Variants in KDM1B observed in about 807,000 individuals in gnomAD.
The protein encoded by KDM1B is lysine demethylase 1B.
KDM1B carries 63 observed loss-of-function variants against 107.4 expected under a neutral mutation model. That is an observed-to-expected ratio of 0.59 (90% CI 0.48 to 0.72). The LOEUF is 0.72. KDM1B is among the 30% of genes least tolerant of loss of function. The probability of loss-of-function intolerance (pLI) is 0.00; values close to 1 mark genes in which losing one functional copy is unlikely to be tolerated. For synonymous variants in KDM1B, 363 were observed against 363.9 expected (o/e 1.00, Z 0.03); for missense variants, 749 against 1,020.8 (o/e 0.73, Z 3.63).
At chr6:18,195,240 G>A (rs1476078115) in intron 10 of KDM1B, among the ~76,000 whole-genome samples, 2 of 152,098 alleles carry the variant, frequency 1.3e-5, no homozygotes, top group Non-Finnish European at 2.9e-5. Flanking sequence ...CTGCTGCTGT[G>A]AACATTTTGT....
intron 10 of KDM1B, among the ~76,000 whole-genome samples, chr6:18,192,375 C>A (rs924025928): frequency 6.6e-6 from 1 of 152,144 alleles, no homozygotes; most frequent in African/African-American, 2.4e-5. Context: ...CCAAAGTGAT[C>A]TTGACTAAAG....
chr6:18,169,924 T>A (rs147124865), intron 6 of KDM1B, among the ~76,000 whole-genome samples: 226 of 152,240 alleles, frequency 1.5e-3, no homozygotes, highest in Admixed American at 2.7e-3. Flanking sequence ...TTATTTATTT[T>A]TTTGAGACAG....
Position 18,197,172 on chromosome 6 carries a change from T to G in KDM1B, c.1085T>G (p.Ile362Ser). The change falls in exon 11 of 22, where the codon ATC (isoleucine) becomes AGC (serine). Residue 362 changes from isoleucine to serine, a missense_variant. Transcript: ENST00000650836. The surrounding 1 kb of genome is among the most constrained non-coding windows in gnomAD (Gnocchi z 4.5). The part of the protein sequence containing the change: ...ILYFMTRKGL[I>S]NTGVLSVGAD... ...TATTTTATGACCAGAAAAGGTCTCA[T>G]CAACACTGGAGTTCTCAGCGTGGGA... is the stretch of plus-strand genomic sequence containing the variant. 2 of 1,614,142 alleles carry G rather than the reference T, an allele frequency of 1.2e-6. No individual in the cohort carries two copies. Among genetic ancestry groups the G allele is most frequent in the Non-Finnish European group, 1.7e-6 (2 of 1,180,012 alleles).
At chr6:18,215,866 T>A (rs1789186626) in intron 20 of KDM1B, among the ~76,000 whole-genome samples, 1 of 152,172 alleles carries the variant, frequency 6.6e-6, no homozygotes. Context: ...CAGCTTTTTT[T>A]AATATCGCAC....
chr6:18,184,466 G>T (rs1199997167), intron 7 of KDM1B, among the ~76,000 whole-genome samples: 1 of 151,436 alleles, frequency 6.6e-6, no homozygotes, highest in African/African-American at 2.4e-5. Flanking sequence ...GTAGAGACGA[G>T]GTTTCACCAT....
rs1480482525 is a variant in KDM1B at position 18,191,348 on chromosome 6, C to T, written c.936C>T (p.Asn312=). Residue 312 remains asparagine (N), a synonymous_variant, in exon 10 of 22, where the codon AAC becomes AAT. Coordinates refer to ENST00000650836, the MANE Select transcript of KDM1B (RefSeq NM_001364614.2). The surrounding 1 kb of genome is among the most constrained non-coding windows in gnomAD (Gnocchi z 5.1). The part of the protein sequence containing the change: ...RDPTMYLALR[N]LILALWYTNC... ...CCACCATGTACCTGGCTTTGAGAAA[C>T]CTCATCCTCGCACTGTGGTATACTA... 21 of 1,550,938 alleles carry T rather than the reference C, an allele frequency of 1.4e-5. No individual in the cohort carries two copies. Among genetic ancestry groups the T allele is most frequent in the Non-Finnish European group, 1.8e-5 (21 of 1,147,100 alleles).
At chr6:18,163,763 T>G (rs183864535) in intron 5 of KDM1B, among the ~76,000 whole-genome samples, 1 of 152,242 alleles carries the variant, frequency 6.6e-6, no homozygotes, top group Admixed American at 6.5e-5. Flanking sequence ...TCTAGTTTAG[T>G]TCAGCAATGG....
rs1291239618 is a variant in KDM1B at position 18,223,349 on chromosome 6, C to G, written c.*1357C>G. 2 of 131,338 alleles carry G rather than the reference C, an allele frequency of 1.5e-5. No individual in the cohort carries two copies. The highest frequency in any genetic ancestry group is 3.2e-5 in the Non-Finnish European group (2 of 62,424). 8.1% of individuals were successfully genotyped at this position (131,338 alleles called of 1,614,324 possible). On this transcript the variant is annotated 3_prime_UTR_variant, in exon 22 of 22. Transcript: ENST00000650836. ...ACCTCCCCCACCGCCCGCCCCCCGCCCCCCCCAATCAAAGTGTGGTCCCAA... is the reference window on the plus strand; with the variant it reads ...ACCTCCCCCACCGCCCGCCCCCCGCGCCCCCCAATCAAAGTGTGGTCCCAA...
chr6:18,162,970 G>A lies in KDM1B; in HGVS notation c.305+46G>A. ...AGGTTTCCCTGGAGAAGGGGACCGT[G>A]GCAGGGGCAGTGCGTGTGGTCAGCT... On this transcript the variant is annotated intron_variant, in intron 5 of 21. Transcript: ENST00000650836. The surrounding 1 kb of genome is among the most constrained non-coding windows in gnomAD (Gnocchi z 4.1). 1 of 1,172,626 alleles carries A rather than the reference G, an allele frequency of 8.5e-7. No individual in the cohort carries two copies. The highest frequency in any genetic ancestry group is 1.3e-6 in the Non-Finnish European group (1 of 776,908). 72.6% of individuals were successfully genotyped at this position (1,172,626 alleles called of 1,614,324 possible). A position where few individuals can be genotyped will look rare whatever the true frequency, so the allele number is the denominator to read the frequency against.
At chr6:18,206,166 T>A (rs1217803022) in intron 15 of KDM1B, among the ~76,000 whole-genome samples, 2 of 145,950 alleles carry the variant, frequency 1.4e-5, no homozygotes, top group African/African-American at 2.5e-5. Flanking sequence ...TTTTTTTTTT[T>A]AAGCAAGAGA....
chr6:18,202,055 G>A (rs1487389250), intron 14 of KDM1B, among the ~76,000 whole-genome samples: 1 of 152,124 alleles, frequency 6.6e-6, no homozygotes, highest in Non-Finnish European at 1.5e-5. Context: ...GTTGAGCAGT[G>A]AGTTAAGGTT....
At chr6:18,195,212 C>A (rs1305827233) in intron 10 of KDM1B, among the ~76,000 whole-genome samples, 2 of 152,184 alleles carry the variant, frequency 1.3e-5, no homozygotes, top group Non-Finnish European at 2.9e-5. Flanking sequence ...TTGTTTCCAC[C>A]TTTTCCCTAT....
Position 18,182,944 on chromosome 6 carries a change from CTG to C in KDM1B, c.535-2825_535-2824del, listed in dbSNP as rs370583035. On this transcript the variant is annotated intron_variant, in intron 7 of 21. Transcript: ENST00000650836. ...ACTTTTAAACATTTACTGTTCCTGA[CTG>C]TGCTTTAGTGAAAAGCTTTCTATCT... Among the ~76,000 whole-genome samples the C allele has an allele frequency of 4.7e-4, 71 of 152,286 alleles. No individual in the cohort carries two copies. In the East Asian group the frequency reaches 0.011, roughly 24 times the overall value.
At chr6:18,198,637 CA>C (rs762849198) in intron 12 of KDM1B, among the ~76,000 whole-genome samples, 13 of 69,212 alleles carry the variant, frequency 1.9e-4, no homozygotes, top group East Asian at 9.6e-4. Flanking sequence ...GACTCCATCT[CA>C]AAAAAAAAAA....
Position 18,204,137 on chromosome 6 carries a change from TA to T in KDM1B, c.1532-1389del, listed in dbSNP as rs35497071. On this transcript the variant is annotated intron_variant, in intron 14 of 21. Transcript: ENST00000650836. The surrounding 1 kb of genome is among the most constrained non-coding windows in gnomAD (Gnocchi z 4.9). ...TTTTGATGAAAGCCTTGAGCTGTTC[TA>T]AAAAAAAAAATATTTGAAGTAACTG... Among the ~76,000 whole-genome samples the T allele has an allele frequency of 4.9e-4, 72 of 147,378 alleles. No homozygotes were observed. Among genetic ancestry groups the T allele is most frequent in the Middle Eastern group, 3.5e-3 (1 of 288 alleles).
In KDM1B at chr6:18,203,321, G is replaced by A. The variant is rs914646748; in HGVS notation, c.1531+1664G>A. 2.0e-5 allele frequency among the ~76,000 whole-genome samples: 3 copies of A among 152,168 alleles called. No individual in the cohort carries two copies. The highest frequency in any genetic ancestry group is 7.2e-5 in the African/African-American group (3 of 41,442). On this transcript the variant is annotated intron_variant, in intron 14 of 21. Transcript: ENST00000650836. The surrounding 1 kb of genome is among the most constrained non-coding windows in gnomAD (Gnocchi z 5.5). ...AACCCAAGTTGTTAAGGTAGGCTCA[G>A]CAATTCTTACTGTGTAAGTGGGTAT...
chr6:18,222,358 GTCAA>G lies in KDM1B; in HGVS notation c.*371_*374del. ...CAATTTTCATACATTGAGAAACCAA[GTCAA>G]TCAAGCAGGAATCATTTAAAAACCA... On this transcript the variant is annotated 3_prime_UTR_variant, in exon 22 of 22. Coordinates refer to ENST00000650836, the MANE Select transcript of KDM1B (RefSeq NM_001364614.2). 1 of 339,636 alleles carries G rather than the reference GTCAA, an allele frequency of 2.9e-6. No individual in the cohort carries two copies. Among genetic ancestry groups the G allele is most frequent in the Non-Finnish European group, 5.7e-6 (1 of 174,914 alleles). 21.0% of individuals were successfully genotyped at this position (339,636 alleles called of 1,614,324 possible). A position where few individuals can be genotyped will look rare whatever the true frequency, so the allele number is the denominator to read the frequency against.
intron 10 of KDM1B, among the ~76,000 whole-genome samples, chr6:18,194,576 A>G (rs888420000): frequency 6.6e-6 from 1 of 152,186 alleles, no homozygotes; most frequent in African/African-American, 2.4e-5. Context: ...TCTTAGTGAT[A>G]AGTGATGGAT....
At chr6:18,194,691 G>T (rs1180653197) in intron 10 of KDM1B, among the ~76,000 whole-genome samples, 1 of 151,624 alleles carries the variant, frequency 6.6e-6, no homozygotes, top group Non-Finnish European at 1.5e-5. Context: ...TGGAGACAAG[G>T]TCTTGCTATG....
Sources: gnomAD v4.1 joint callset for allele counts (sites outside exome capture counted in the v4.1 genomes callset) on GRCh38, gnomAD v4.1.1 for gene constraint, Gnocchi (gnomAD v3.1) non-coding constraint, MANE v1.5 for transcripts, NCBI Gene and HGNC (gene_info 2026-07-23, HGNC 2026-07-21) for gene names.